Variants in ESRRG observed in about 807,000 individuals in gnomAD.
The protein encoded by ESRRG is estrogen-related receptor gamma.
A neutral mutation model predicts 44.0 loss-of-function variants in ESRRG; 13 were observed. That is an observed-to-expected ratio of 0.30 (90% confidence interval 0.19 to 0.47). The LOEUF is 0.47. Among genes scored for constraint, ESRRG ranks in the 20% least tolerant of loss-of-function variants. ESRRG has a pLI of 1.00. For missense variants in ESRRG, 395 were observed against 580.6 expected (o/e 0.68, Z 3.29); for synonymous variants, 215 against 214.6 (o/e 1.00, Z -0.02).
intron 1 of ESRRG, among the ~76,000 whole-genome samples, chr1:217,131,974 T>C (rs936297065): frequency 2.0e-5 from 3 of 152,028 alleles, no homozygotes; most frequent in Non-Finnish European, 1.5e-5. Context: ...CACTGACCTC[T>C]TAGAAAAAGA....
At chr1:216,523,785 C>T (rs1041003550) in intron 5 of ESRRG, among the ~76,000 whole-genome samples, 3 of 151,080 alleles carry the variant, frequency 2.0e-5, no homozygotes, top group Non-Finnish European at 4.4e-5. Flanking sequence ...CTGTTAATAT[C>T]AGTTAATCAT....
At chr1:216,842,512 C>A (rs187491772) in intron 2 of ESRRG, among the ~76,000 whole-genome samples, 8 of 152,278 alleles carry the variant, frequency 5.3e-5, no homozygotes, top group Middle Eastern at 3.4e-3. Flanking sequence ...CATCAGCAGA[C>A]AATATATGTA....
chr1:216,644,057 A>T (rs2066994999), intron 3 of ESRRG, among the ~76,000 whole-genome samples: 1 of 152,014 alleles, frequency 6.6e-6, no homozygotes, highest in Admixed American at 6.6e-5. Flanking sequence ...TCCCATTTCC[A>T]CTTTATCTGC....
intron 3 of ESRRG, among the ~76,000 whole-genome samples, chr1:216,629,002 A>G (rs1420348415): frequency 6.6e-6 from 1 of 151,900 alleles, no homozygotes; most frequent in African/African-American, 2.4e-5. Context: ...CTTTCCCTCC[A>G]CCCTTCACGA....
chr1:216,878,898 G>A (rs78343831), intron 2 of ESRRG, among the ~76,000 whole-genome samples: 3 of 152,124 alleles, frequency 2.0e-5, no homozygotes, highest in African/African-American at 4.8e-5. Context: ...TTTACGCATC[G>A]TATTTATCCT....
At chr1:216,934,463 T>A (rs1009862823) in intron 2 of ESRRG, among the ~76,000 whole-genome samples, 2 of 151,868 alleles carry the variant, frequency 1.3e-5, no homozygotes, top group Non-Finnish European at 2.9e-5. Context: ...CGAGACTGGG[T>A]AATTTCTGAA....
rs554925854 is a variant in ESRRG at position 216,872,099 on chromosome 1, C to A, written c.-14+67483G>T. Among the ~76,000 whole-genome samples, 8 of 152,224 alleles carry A rather than the reference C, an allele frequency of 5.3e-5. No individual in the cohort carries two copies. The South Asian group carries it at 1.7e-3, about 32-fold the overall frequency. ...AATATAGAATTCTGGTTTGGCAGTT[C>A]TTTTCAGCACCTTAAAATATGTGTC... On this transcript the variant is annotated intron_variant, in intron 2 of 7. Coordinates refer to the ESRRG transcript ENST00000359162.
At chr1:216,896,884 A>C (rs1389790441) in intron 2 of ESRRG, among the ~76,000 whole-genome samples, 1 of 152,214 alleles carries the variant, frequency 6.6e-6, no homozygotes, top group Non-Finnish European at 1.5e-5. Context: ...TTTAACAAGC[A>C]GCAGCGTATT....
At chr1:216,764,710 GA>G (rs1245678922) in intron 2 of ESRRG, among the ~76,000 whole-genome samples, 3 of 151,932 alleles carry the variant, frequency 2.0e-5, no homozygotes, top group South Asian at 4.1e-4. Flanking sequence ...CTACTAGAAA[GA>G]AAAAAAATTT....
chr1:217,075,250 C>T (rs1008009932), intron 1 of ESRRG, among the ~76,000 whole-genome samples: 2 of 152,210 alleles, frequency 1.3e-5, no homozygotes, highest in African/African-American at 4.8e-5. Flanking sequence ...CTGCCAGACA[C>T]ACTGCTGAAT....
intron 2 of ESRRG, among the ~76,000 whole-genome samples, chr1:216,769,080 A>AG (rs397860416): frequency 6.6e-6 from 1 of 152,078 alleles, no homozygotes; most frequent in East Asian, 1.9e-4. Context: ...CAAAAAAAAA[A>AG]TAATGATTAA....
intron 2 of ESRRG, among the ~76,000 whole-genome samples, chr1:216,735,477 G>T (rs1009606362): frequency 2.0e-5 from 3 of 152,040 alleles, no homozygotes; most frequent in Admixed American, 2.0e-4. Context: ...CAAATTGCTG[G>T]GATTACAGGC....
chr1:216,510,721 T>C (rs1396056505), intron 6 of ESRRG, among the ~76,000 whole-genome samples: 4 of 151,876 alleles, frequency 2.6e-5, no homozygotes, highest in African/African-American at 2.4e-5. Context: ...CCGTCTCTAC[T>C]AAAAATACAA....
intron 1 of ESRRG, among the ~76,000 whole-genome samples, chr1:217,111,646 C>T (rs2092662852): frequency 6.6e-6 from 1 of 151,944 alleles, no homozygotes; most frequent in Non-Finnish European, 1.5e-5. Flanking sequence ...TTATGTCTCC[C>T]CCACCCCACT....
chr1:216,884,140 A>G (rs1436899), intron 2 of ESRRG, among the ~76,000 whole-genome samples: 32,549 of 152,084 alleles, frequency 0.21, 4,671 homozygotes, highest in African/African-American at 0.4. Flanking sequence ...GAATCCCATC[A>G]GCAAGTCACT....
intron 2 of ESRRG, among the ~76,000 whole-genome samples, chr1:216,934,736 T>C (rs1209440020): frequency 1.3e-5 from 2 of 152,130 alleles, no homozygotes; most frequent in Admixed American, 1.3e-4. Context: ...TTATGGGAGC[T>C]ACAATTCAAG....
intron 1 of ESRRG, among the ~76,000 whole-genome samples, chr1:217,002,413 A>T (rs2077165992): frequency 6.6e-6 from 1 of 152,012 alleles, no homozygotes; most frequent in African/African-American, 2.4e-5. Context: ...TCCGTCCCTA[A>T]AGTTATATGG....
At chr1:216,662,444 G>A (rs1410704283) in intron 2 of ESRRG, among the ~76,000 whole-genome samples, 2 of 152,152 alleles carry the variant, frequency 1.3e-5, no homozygotes, top group Admixed American at 1.3e-4. Flanking sequence ...TGGCTGGATT[G>A]AGAGAAAGGC....
intron 5 of ESRRG, among the ~76,000 whole-genome samples, chr1:216,544,120 G>A (rs2053728785): frequency 6.6e-6 from 1 of 151,976 alleles, no homozygotes; most frequent in Non-Finnish European, 1.5e-5. Context: ...GGTATCAAAT[G>A]CAAGTGAATA....
Sources: allele counts gnomAD v4.1 joint callset (sites outside exome capture counted in the v4.1 genomes callset), GRCh38; gene constraint gnomAD v4.1.1; transcripts MANE v1.5; gene names NCBI Gene and HGNC (gene_info 2026-07-23, HGNC 2026-07-21).